Variants in ZFYVE16 observed in about 807,000 individuals in gnomAD.
ZFYVE16 encodes the protein zinc finger FYVE domain-containing protein 16.
In ZFYVE16, 89 loss-of-function variants were observed where a neutral mutation model predicts 138.1. The ratio of observed to expected loss-of-function variants is 0.64; its 90% CI spans 0.54 to 0.77. The LOEUF is 0.77. Ranked by LOEUF, ZFYVE16 falls within the 30% of genes least tolerant of loss-of-function variation. The pLI, the probability that ZFYVE16 is intolerant of heterozygous loss-of-function variation, is 0.00. For missense variants in ZFYVE16, 1,793 were observed against 1,786.7 expected (o/e 1.00, Z -0.06); for synonymous variants, 596 against 618.3 (o/e 0.96, Z 0.53).
At chr5:80,421,293 T>G (rs1002404835) in intron 1 of ZFYVE16, among the ~76,000 whole-genome samples, 15 of 152,308 alleles carry the variant, frequency 9.8e-5, no homozygotes, top group Middle Eastern at 3.4e-3. Context: ...AGATGCTCTT[T>G]AGTTTAATTA....
At position 80,457,081 on chromosome 5, in the gene ZFYVE16, A is replaced by G. The variant is rs1029877555; in HGVS notation, c.3932A>G (p.His1311Arg). 1 of 1,611,606 alleles carries G rather than the reference A, an allele frequency of 6.2e-7. No individual in the cohort carries two copies. Among genetic ancestry groups the G allele is most frequent in the Admixed American group, 1.7e-5 (1 of 59,474 alleles). ...YETQANSATG[H>R]PRKVTGASFV... is the part of the protein sequence containing the mutation. Reference sequence around the variant, plus strand: ...ACACAGGCCAACAGTGCCACTGGCCATCCTAGAAAAGGTGAGCATCTTGGT... The same window carrying G: ...ACACAGGCCAACAGTGCCACTGGCCGTCCTAGAAAAGGTGAGCATCTTGGT... Residue 1311 changes from histidine to arginine, a missense_variant, in exon 14 of 19, where the codon CAT becomes CGT. Physicochemically the swap from His to Arg is conservative, Grantham distance 29. Around this residue, in one of 2 missense-constraint regions of ZFYVE16, gnomAD observed 498 missense variants for 582.4 expected, o/e 0.86. Coordinates refer to ENST00000505560, the MANE Select transcript of ZFYVE16 (RefSeq NM_001284236.3).
At chr5:80,435,651 C>T in intron 3 of ZFYVE16, 1 of 366,970 alleles carries the variant, frequency 2.7e-6, no homozygotes, top group Non-Finnish European at 5.4e-6. Flanking sequence ...TCACTGCAGC[C>T]TTGAATTCCT....
chr5:80,455,554 C>T, intron 11 of ZFYVE16, 138 bp from the exon 12 acceptor site: 1 of 716,044 alleles, frequency 1.4e-6, no homozygotes, highest in Non-Finnish European at 2.3e-6. Context: ...AAAAAATTAT[C>T]TCTCACTTTC....
rs60511147 is a variant in ZFYVE16 at position 80,433,710 on chromosome 5, A to G, written c.-39-399A>G. 9.1e-3 allele frequency among the ~76,000 whole-genome samples: 1,391 copies of G among 152,166 alleles called. 24 individuals carry two copies. Among genetic ancestry groups the G allele is most frequent in the African/African-American group, 0.033 (1,357 of 41,518 alleles). On this transcript the variant is annotated intron_variant, in intron 2 of 18. Transcript: ENST00000505560. ...CTTCCACTAAAAAAAGAAAAAAAAA[A>G]GCATTTAAGGCTCTAAGTATCTCTT...
At chr5:80,413,452 C>T (rs1341559832) in intron 1 of ZFYVE16, among the ~76,000 whole-genome samples, 1 of 77,978 alleles carries the variant, frequency 1.3e-5, no homozygotes, top group African/African-American at 4.3e-5. Context: ...GCTTGGGCAA[C>T]AAGATCAAAA....
At chr5:80,432,046 G>GC (rs1339046367) in intron 2 of ZFYVE16, among the ~76,000 whole-genome samples, 1 of 152,140 alleles carries the variant, frequency 6.6e-6, no homozygotes, top group Non-Finnish European at 1.5e-5. Context: ...TCCACATCAA[G>GC]CTACCAATGA....
rs1360667065 is a variant in ZFYVE16, at chr5:80,482,283, A to G, written c.*4906A>G. ...GTAGAACTGAAAATACAATAACAAA[A>G]TTTACTGGAAGGTCTCAACACAATG... On this transcript the variant is annotated 3_prime_UTR_variant, in exon 19 of 19. Transcript: ENST00000505560. 6.6e-6 allele frequency: 1 copy of G among 152,260 alleles called. No homozygotes were observed. The highest frequency in any genetic ancestry group is 2.4e-5 in the African/African-American group (1 of 41,468). The allele number at this position is 152,260 out of a possible 1,614,324, so 9.4% of individuals were successfully genotyped here.
chr5:80,476,454 G>A (rs1253571193), intron 18 of ZFYVE16, among the ~76,000 whole-genome samples: 1 of 152,132 alleles, frequency 6.6e-6, no homozygotes, highest in Non-Finnish European at 1.5e-5. Context: ...GAGCCACCAC[G>A]CCTGGCCCCA....
intron 11 of ZFYVE16, among the ~76,000 whole-genome samples, chr5:80,452,841 C>T (rs1752131862): frequency 6.6e-6 from 1 of 152,104 alleles, no homozygotes; most frequent in Non-Finnish European, 1.5e-5. Context: ...TGTGTATTTA[C>T]TTATCTACCC....
intron 2 of ZFYVE16, among the ~76,000 whole-genome samples, chr5:80,431,984 A>C (rs1749102458): frequency 6.6e-6 from 1 of 152,236 alleles, no homozygotes; most frequent in South Asian, 2.1e-4. Flanking sequence ...AGGGAGAATC[A>C]ATATCGTGAA....
At chr5:80,422,246 G>T (rs1359023986) in intron 1 of ZFYVE16, among the ~76,000 whole-genome samples, 1 of 152,116 alleles carries the variant, frequency 6.6e-6, no homozygotes, top group Non-Finnish European at 1.5e-5. Flanking sequence ...TTGTCTTATT[G>T]CGCTAGCCAA....
At chr5:80,426,823 A>G (rs1430329399) in intron 1 of ZFYVE16, among the ~76,000 whole-genome samples, 1 of 152,082 alleles carries the variant, frequency 6.6e-6, no homozygotes, top group East Asian at 1.9e-4. Flanking sequence ...TGCTGTGACA[A>G]ATGGTATATC....
chr5:80,451,786 A>G (rs1290926447), intron 11 of ZFYVE16, 77 bp downstream of exon 11: 22 of 1,334,080 alleles, frequency 1.6e-5, no homozygotes, highest in Non-Finnish European at 2.2e-5. Flanking sequence ...AATCATTAAA[A>G]TCAATTTTAA....
At chr5:80,474,574 T>C (rs1754703899) in intron 17 of ZFYVE16, 89 bp from the exon 18 acceptor site, 7 of 1,302,552 alleles carry the variant, frequency 5.4e-6, no homozygotes, top group East Asian at 4.6e-5. Context: ...GGTACTTACA[T>C]TGGAATTTAA....
chr5:80,448,831 G>A (rs1751675132), intron 8 of ZFYVE16, among the ~76,000 whole-genome samples: 1 of 151,792 alleles, frequency 6.6e-6, no homozygotes, highest in South Asian at 2.1e-4. Context: ...AATCTCCTTG[G>A]GCCCCAGTTT....
chr5:80,462,682 A>G (rs249020), intron 15 of ZFYVE16, among the ~76,000 whole-genome samples: 118,126 of 152,094 alleles, frequency 0.78, 49,050 homozygotes, highest in East Asian at 0.92. Flanking sequence ...TCCAGCATTA[A>G]CCCAAAAGTC....
At chr5:80,409,019 T>A (rs1056681974) in intron 1 of ZFYVE16, among the ~76,000 whole-genome samples, 3 of 152,180 alleles carry the variant, frequency 2.0e-5, no homozygotes, top group South Asian at 4.1e-4. Flanking sequence ...TTAAACCGCA[T>A]GCTTAGTGGC....
chr5:80,451,710 G>GTT lies in ZFYVE16; in HGVS notation c.3607+2_3607+3insTT. 6.2e-7 allele frequency: 1 copy of GTT among 1,609,946 alleles called. No individual in the cohort carries two copies. On this transcript the variant is annotated splice_donor_variant, in intron 11 of 18. Transcript: ENST00000505560. LOFTEE classifies it high-confidence loss of function. ...TTGAGATTGGGTGCAGAATATAAAG[G>GTT]TAAGTTTTAGAGTAATAAGTTAAAT...
At position 80,427,884 on chromosome 5, in the gene ZFYVE16, A is replaced by G. The variant is rs1161528284; in HGVS notation, c.-40+339A>G. On this transcript the variant is annotated intron_variant, in intron 2 of 18. Transcript: ENST00000505560. ...CTACTCAGGAGGCTGAGGCAGGAGA[A>G]TCGCTTGAACCTGGGAGATGGAGGT... Among the ~76,000 whole-genome samples, 7 of 141,936 alleles carry G rather than the reference A, an allele frequency of 4.9e-5. No homozygotes were observed. In the South Asian group the frequency reaches 1.6e-3, roughly 32 times the overall value. 93.1% of individuals were successfully genotyped at this position (141,936 alleles called of 152,430 possible).
Sources: gnomAD v4.1 joint callset for allele counts (sites outside exome capture counted in the v4.1 genomes callset) on GRCh38, gnomAD v4.1.1 for gene constraint, gnomAD v4.1.1 regional missense constraint, MANE v1.5 for transcripts, NCBI Gene and HGNC (gene_info 2026-07-23, HGNC 2026-07-21) for gene names.